The following EYS variants were observed in gnomAD, a reference collection of about 807,000 sequenced individuals.
EYS encodes the protein EGF-like photoreceptor maintenance factor, also known as protein eyes shut homolog.
A neutral mutation model predicts 282.1 loss-of-function variants in EYS; 250 were observed. The ratio of observed to expected loss-of-function variants is 0.89; its 90% CI spans 0.80 to 0.98. The LOEUF (loss-of-function observed/expected upper bound fraction) is 0.98, where lower values mean the gene tolerates loss of function less well. Ranked by LOEUF, EYS falls within the 50% of genes least tolerant of loss-of-function variation. The probability of loss-of-function intolerance (pLI) is 0.00; values close to 1 mark genes in which losing one functional copy is unlikely to be tolerated. For missense variants in EYS, 4,016 were observed against 3,709.0 expected, an observed-to-expected ratio of 1.08 and a Z score of -2.15; for synonymous variants, 1,355 against 1,282.9, an observed-to-expected ratio of 1.06 and a Z score of -1.20.
intron 33 of EYS, among the ~76,000 whole-genome samples, chr6:64,019,072 G>T (rs1769047922): frequency 1.3e-5 from 2 of 152,108 alleles, no homozygotes; most frequent in South Asian, 4.1e-4. Flanking sequence ...ACCATGCCCG[G>T]CTCACAAATG....
At chr6:64,761,682 A>G (rs1773164580) in intron 22 of EYS, among the ~76,000 whole-genome samples, 1 of 152,012 alleles carries the variant, frequency 6.6e-6, no homozygotes, top group African/African-American at 2.4e-5. Context: ...GTTTCTATCT[A>G]CTGACCTAGT....
intron 24 of EYS, among the ~76,000 whole-genome samples, chr6:64,598,179 G>T (rs188925131): frequency 6.6e-6 from 1 of 152,248 alleles, no homozygotes; most frequent in Admixed American, 6.5e-5. Context: ...AAAGAGAAGG[G>T]GCCAGGCGTG....
At chr6:65,598,428 T>G (rs189554540) in intron 2 of EYS, among the ~76,000 whole-genome samples, 1 of 152,084 alleles carries the variant, frequency 6.6e-6, no homozygotes, top group African/African-American at 2.4e-5. Flanking sequence ...TAACCAATAT[T>G]TATGCCATCC....
chr6:64,106,626 T>TTGTG (rs35062611), intron 31 of EYS, among the ~76,000 whole-genome samples: 111 of 150,580 alleles, frequency 7.4e-4, no homozygotes, highest in Non-Finnish European at 1.1e-3. Context: ...GTAGCTGGTT[T>TTGTG]TGTGTGTGTG....
intron 33 of EYS, among the ~76,000 whole-genome samples, chr6:64,016,797 G>C (rs1020995915): frequency 6.6e-6 from 1 of 152,104 alleles, no homozygotes; most frequent in African/African-American, 2.4e-5. Context: ...TCTAATGAGG[G>C]TATTGTACAT....
At chr6:65,320,025 T>C (rs1769427233) in intron 11 of EYS, among the ~76,000 whole-genome samples, 1 of 151,822 alleles carries the variant, frequency 6.6e-6, no homozygotes, top group Non-Finnish European at 1.5e-5. Context: ...TCACAGGTGA[T>C]CTTTTGTAGC....
At chr6:64,416,008 C>CT (rs962205121) in intron 28 of EYS, among the ~76,000 whole-genome samples, 32 of 152,278 alleles carry the variant, frequency 2.1e-4, no homozygotes, top group African/African-American at 7.7e-4. Flanking sequence ...TAAAAGGCTA[C>CT]TTTCAGCAAA....
intron 31 of EYS, among the ~76,000 whole-genome samples, chr6:64,117,240 A>C (rs1409038914): frequency 2.0e-5 from 3 of 151,998 alleles, no homozygotes; most frequent in Non-Finnish European, 4.4e-5. Flanking sequence ...GAAATCAATT[A>C]CAGAGGAAAA....
chr6:64,085,299 T>G (rs1772106594), intron 31 of EYS, among the ~76,000 whole-genome samples: 1 of 146,160 alleles, frequency 6.8e-6, no homozygotes, highest in Non-Finnish European at 1.5e-5. Context: ...TCTCTCCCCC[T>G]CCTTCTCCTT....
intron 12 of EYS, among the ~76,000 whole-genome samples, chr6:65,180,383 A>G (rs1765346172): frequency 1.3e-5 from 2 of 152,140 alleles, no homozygotes; most frequent in South Asian, 4.1e-4. Context: ...TCAATGTGCA[A>G]AAATCACAAG....
intron 35 of EYS, among the ~76,000 whole-genome samples, chr6:63,980,384 G>T (rs1338989797): frequency 6.6e-6 from 1 of 151,706 alleles, no homozygotes; most frequent in Non-Finnish European, 1.5e-5. Flanking sequence ...ACTGTGATGA[G>T]AAATTGTTAT....
chr6:64,193,752 C>T (rs1194369877), intron 31 of EYS, among the ~76,000 whole-genome samples: 1 of 152,012 alleles, frequency 6.6e-6, no homozygotes, highest in Non-Finnish European at 1.5e-5. Context: ...CATGTGGTGT[C>T]TGGTTTTCTG....
chr6:64,624,560 T>A (rs1435368963), intron 23 of EYS, among the ~76,000 whole-genome samples: 1 of 152,196 alleles, frequency 6.6e-6, no homozygotes, highest in Non-Finnish European at 1.5e-5. Context: ...CCATTTTATG[T>A]ACGGCTGGCT....
intron 2 of EYS, among the ~76,000 whole-genome samples, chr6:65,585,230 A>G (rs1765004341): frequency 6.6e-6 from 1 of 151,942 alleles, no homozygotes; most frequent in Non-Finnish European, 1.5e-5. Context: ...CACATAAACC[A>G]TTTCATGTCA....
chr6:63,768,737 A>G (rs1440965212), intron 40 of EYS, among the ~76,000 whole-genome samples: 6 of 152,128 alleles, frequency 3.9e-5, no homozygotes, highest in Non-Finnish European at 5.9e-5. Context: ...ACCCAAAGGA[A>G]TATAAATCAT....
At chr6:64,205,854 T>G (rs567068104) in intron 31 of EYS, among the ~76,000 whole-genome samples, 50 of 151,036 alleles carry the variant, frequency 3.3e-4, no homozygotes, top group South Asian at 6.3e-4. Context: ...CATATATATA[T>G]ATAGAGAGAG....
intron 22 of EYS, among the ~76,000 whole-genome samples, chr6:64,751,159 TG>T (rs1772735668): frequency 2.6e-5 from 4 of 152,192 alleles, no homozygotes; most frequent in Admixed American, 1.3e-4. Flanking sequence ...AAGACCTTGT[TG>T]CAGCAGTAGT....
At chr6:64,011,392 G>A (rs1768618279) in intron 33 of EYS, among the ~76,000 whole-genome samples, 1 of 152,106 alleles carries the variant, frequency 6.6e-6, no homozygotes, top group Non-Finnish European at 1.5e-5. Context: ...TCTTTAATTT[G>A]TGAGAGGTAG....
chr6:65,001,981 A>T (rs546936586), intron 13 of EYS, among the ~76,000 whole-genome samples: 1 of 147,144 alleles, frequency 6.8e-6, no homozygotes, highest in African/African-American at 2.4e-5. Flanking sequence ...CATTATAAGT[A>T]ACATTATAAA....
Sources: gnomAD v4.1 joint callset for allele counts (sites outside exome capture counted in the v4.1 genomes callset) on GRCh38, gnomAD v4.1.1 for gene constraint, MANE v1.5 for transcripts, NCBI Gene and HGNC (gene_info 2026-07-23, HGNC 2026-07-21) for gene names.